The following PCDHA5 variants were observed in gnomAD, a reference collection of about 807,000 sequenced individuals.
PCDHA5 encodes protocadherin alpha-5.
PCDHA5 carries 43 observed loss-of-function variants against 61.6 expected under a neutral mutation model. That is an observed-to-expected ratio of 0.70 (90% confidence interval 0.55 to 0.90). The LOEUF (loss-of-function observed/expected upper bound fraction) is 0.90, where lower values mean the gene tolerates loss of function less well. Ranked by LOEUF, PCDHA5 falls within the 40% of genes least tolerant of loss-of-function variation. The pLI is 0.00. For missense variants in PCDHA5, 1,298 were observed against 1,222.7 expected (o/e 1.06, Z -0.92); for synonymous variants, 627 against 543.9 (o/e 1.15, Z -2.13).
intron 1 of PCDHA5, among the ~76,000 whole-genome samples, chr5:140,950,403 A>C (rs2094477208): frequency 6.6e-6 from 1 of 151,818 alleles, no homozygotes; most frequent in Admixed American, 6.6e-5. Flanking sequence ...ATTCTGGGGG[A>C]TTGACAGATT....
chr5:140,835,221 T>G (rs2150232030), intron 1 of PCDHA5: 2 of 1,587,286 alleles, frequency 1.3e-6, no homozygotes, highest in Admixed American at 1.8e-5. Context: ...TATTATTTAC[T>G]CCTTCTCCAG....
intron 1 of PCDHA5, chr5:140,928,133 T>C (rs1208134482): frequency 1.2e-6 from 2 of 1,614,090 alleles, no homozygotes; most frequent in Non-Finnish European, 1.7e-6. Context: ...TACCAAGTCC[T>C]GATCACGGCC....
intron 1 of PCDHA5, chr5:140,834,176 G>T: frequency 1.8e-6 from 1 of 555,610 alleles, no homozygotes; most frequent in South Asian, 2.7e-5. Context: ...TTACATGATG[G>T]CCACATGATG....
At chr5:140,929,373 C>T (rs1563116244) in intron 1 of PCDHA5, 1 of 1,514,818 alleles carries the variant, frequency 6.6e-7, no homozygotes, top group Non-Finnish European at 8.8e-7. Context: ...GAGATGGCTG[C>T]TAGCTGTGTT....
intron 1 of PCDHA5, chr5:140,927,596 G>A (rs374002981): frequency 2.5e-6 from 4 of 1,614,044 alleles, no homozygotes; most frequent in African/African-American, 2.7e-5. Context: ...GTATTTGAGC[G>A]CTCCGTATAC....
Position 140,965,232 on chromosome 5 carries a change from G to T in PCDHA5, c.2353-13717G>T, listed in dbSNP as rs192008157. ...TCCTGTGGAAGAAATGTGAGAACCT[G>T]GGAAGAGTGAATATTCAGAACTGAG... On this transcript the variant is annotated intron_variant, in intron 1 of 3. Coordinates refer to ENST00000529859, the MANE Select transcript of PCDHA5 (RefSeq NM_018908.3). Among the ~76,000 whole-genome samples, 4 of 152,312 alleles carry T rather than the reference G, an allele frequency of 2.6e-5. No individual in the cohort carries two copies. In the East Asian group the frequency reaches 7.7e-4, roughly 29 times the overall value.
chr5:140,928,125 C>T, intron 1 of PCDHA5: 2 of 1,614,154 alleles, frequency 1.2e-6, no homozygotes, highest in Non-Finnish European at 1.7e-6. Context: ...TCAGTGAATA[C>T]CAAGTCCTGA....
intron 1 of PCDHA5, among the ~76,000 whole-genome samples, chr5:140,878,864 A>G (rs1465235970): frequency 1.3e-5 from 2 of 152,152 alleles, no homozygotes; most frequent in Non-Finnish European, 2.9e-5. Flanking sequence ...CTGATCCTCC[A>G]TTTCAGCCTT....
chr5:140,857,661 A>T, intron 1 of PCDHA5: 1 of 1,596,582 alleles, frequency 6.3e-7, no homozygotes, highest in Non-Finnish European at 8.6e-7. Context: ...AGCGCGCGCG[A>T]TGGGGGCGTG....
chr5:140,851,821 C>A, intron 1 of PCDHA5: 1 of 958,244 alleles, frequency 1.0e-6, no homozygotes, highest in Non-Finnish European at 1.3e-6. Context: ...AGACAGAAAT[C>A]TGTTTTTTTA....
rs782119738 is a variant in PCDHA5, at chr5:140,927,224, G to A, written c.2353-51725G>A. ...GACCCGCTGGAGCTGCACAAGATTC[G>A]GATTCACGTCCTGGACACCAATGAC... On this transcript the variant is annotated intron_variant, in intron 1 of 3. Coordinates refer to ENST00000529859, the MANE Select transcript of PCDHA5 (RefSeq NM_018908.3). 3 of 1,614,072 alleles carry A rather than the reference G, an allele frequency of 1.9e-6. No homozygotes were observed. The South Asian group carries it at 3.3e-5, about 18-fold the overall frequency.
At chr5:140,969,152 T>C in intron 1 of PCDHA5, 1 of 1,614,002 alleles carries the variant, frequency 6.2e-7, no homozygotes, top group East Asian at 2.2e-5. Flanking sequence ...CTACAAGGCC[T>C]GTCTGACAGC....
chr5:140,968,195 T>C, intron 1 of PCDHA5: 1 of 1,614,076 alleles, frequency 6.2e-7, no homozygotes, highest in East Asian at 2.2e-5. Context: ...CTATTCCATC[T>C]ACATACAGGA....
chr5:140,851,152 C>A, intron 1 of PCDHA5: 2 of 1,305,064 alleles, frequency 1.5e-6, no homozygotes, highest in Non-Finnish European at 2.0e-6. Context: ...CATTGAATTT[C>A]TGATGCTATG....
chr5:140,856,008 G>A, intron 1 of PCDHA5: 1 of 1,542,308 alleles, frequency 6.5e-7, no homozygotes, highest in Middle Eastern at 1.7e-4. Flanking sequence ...GTGCGTTCTA[G>A]ACCGCTGATT....
At chr5:140,998,156 C>T (rs782675490) in intron 3 of PCDHA5, among the ~76,000 whole-genome samples, 3 of 152,178 alleles carry the variant, frequency 2.0e-5, no homozygotes, top group Non-Finnish European at 4.4e-5. Context: ...ACAGTTAAGC[C>T]ATGTGCCAAG....
intron 1 of PCDHA5, among the ~76,000 whole-genome samples, chr5:140,971,325 T>C (rs1273585971): frequency 3.9e-5 from 6 of 152,190 alleles, no homozygotes; most frequent in African/African-American, 1.4e-4. Context: ...AGGGAGAAAA[T>C]TATTTCAGAA....
At chr5:140,825,720 C>T (rs1554130338) in intron 1 of PCDHA5, 1 of 152,170 alleles carries the variant, frequency 6.6e-6, no homozygotes, top group African/African-American at 2.4e-5. Flanking sequence ...TCGCGCCTGG[C>T]CTAAATTATT....
In PCDHA5 at chr5:140,849,868, C is replaced by T. The variant is rs1554143431; in HGVS notation, c.2352+25741C>T. 16 of 1,598,490 alleles carry T rather than the reference C, an allele frequency of 1.0e-5. 1 individual carries two copies. In the Middle Eastern group the frequency reaches 6.8e-4, roughly 68 times the overall value. On this transcript the variant is annotated intron_variant, in intron 1 of 3. Transcript: ENST00000529859. ...GACAACGCACCAGCGTTCGCGCAGT[C>T]CGAGTACACGGTGTTCGTGAAGGAG...
Sources: gnomAD v4.1 joint callset for allele counts (sites outside exome capture counted in the v4.1 genomes callset) on GRCh38, gnomAD v4.1.1 for gene constraint, MANE v1.5 for transcripts, NCBI Gene and HGNC (gene_info 2026-07-23, HGNC 2026-07-21) for gene names.